Variants in PSMA6 observed in about 807,000 individuals in gnomAD.
PSMA6 encodes proteasome subunit alpha type-6.
For missense variants in PSMA6, 170 were observed against 294.8 expected (o/e 0.58, Z 3.10); for synonymous variants, 88 against 97.7 (o/e 0.90, Z 0.59).
At chr14:35,311,030 T>C (rs1258408293) in intron 4 of PSMA6, 135 bp downstream of exon 4, 1 of 848,294 alleles carries the variant, frequency 1.2e-6, no homozygotes, top group Non-Finnish European at 1.8e-6. Context: ...AAAATCTTTA[T>C]AATAAATCAG....
upstream of PSMA6, chr14:35,292,347 G>A: frequency 6.6e-7 from 1 of 1,516,786 alleles, no homozygotes; most frequent in Non-Finnish European, 8.8e-7. Flanking sequence ...CGTGAGTTCG[G>A]CATGCAAGAG....
chr14:35,287,465 C>T (rs563815990), upstream of PSMA6, among the ~76,000 whole-genome samples: 6 of 152,252 alleles, frequency 3.9e-5, no homozygotes, highest in Admixed American at 2.6e-4. Flanking sequence ...GGCAGAGCAC[C>T]TTAAGCTAAG....
chr14:35,315,395 T>G (rs1406546665), intron 6 of PSMA6: 1 of 143,554 alleles, frequency 7.0e-6, no homozygotes, highest in African/African-American at 2.6e-5. Flanking sequence ...TCATAGGACT[T>G]TAAAAAAAAA....
At chr14:35,281,149 G>T (rs1314833924) in intron 1 of PSMA6, among the ~76,000 whole-genome samples, 1 of 152,062 alleles carries the variant, frequency 6.6e-6, no homozygotes, top group Non-Finnish European at 1.5e-5. Context: ...TCATGGGAGG[G>T]ATGGCTTCAA....
intron 1 of PSMA6, among the ~76,000 whole-genome samples, chr14:35,297,813 A>AT (rs1460849874): frequency 6.6e-6 from 1 of 152,164 alleles, no homozygotes; most frequent in African/African-American, 2.4e-5. Context: ...TGTCCTGAAC[A>AT]TTTTGCCACC....
chr14:35,284,421 T>C (rs80352430), intron 1 of PSMA6, among the ~76,000 whole-genome samples: 6,545 of 152,240 alleles, frequency 0.043, 190 homozygotes, highest in Non-Finnish European at 0.069. Flanking sequence ...CATTTTCTCA[T>C]CTGTGCTGCT....
At position 35,310,781 on chromosome 14, in the gene PSMA6, G is replaced by C; in HGVS notation, c.295G>C (p.Ala99Pro). The change falls in exon 4 of 7, where the codon GCT (alanine) becomes CCT (proline). Residue 99 changes from alanine to proline, a missense_variant. Ala to Pro is a conservative substitution (Grantham distance 27). Coordinates refer to ENST00000261479, the MANE Select transcript of PSMA6 (RefSeq NM_002791.3). ...SQVQRARYEA[A>P]NWKYKYGYEI... ...GGTACAGAGGGCACGCTATGAGGCA[G>C]CTAACTGGAAATACAAGTATGGCTA... 6.2e-7 allele frequency: 1 copy of C among 1,612,614 alleles called. No individual in the cohort carries two copies.
At chr14:35,315,858 T>C (rs2138762556) in intron 6 of PSMA6, 1 of 152,278 alleles carries the variant, frequency 6.6e-6, no homozygotes, top group South Asian at 2.1e-4. Context: ...ATCAAAAATC[T>C]TGTCTTCAAA....
upstream of PSMA6, among the ~76,000 whole-genome samples, chr14:35,291,413 G>T (rs1459601147): frequency 6.6e-6 from 1 of 151,964 alleles, no homozygotes; most frequent in Non-Finnish European, 1.5e-5. Context: ...GTAGAGACGG[G>T]GTTTCACCGT....
At chr14:35,295,030 G>A (rs918486528) in intron 1 of PSMA6, among the ~76,000 whole-genome samples, 1 of 152,104 alleles carries the variant, frequency 6.6e-6, no homozygotes, top group Non-Finnish European at 1.5e-5. Context: ...AAAAAATAGA[G>A]GTAGACATTT....
Position 35,310,759 on chromosome 14 carries a change from A to G in PSMA6, c.273A>G (p.Val91=). 1 of 1,612,292 alleles carries G rather than the reference A, an allele frequency of 6.2e-7. No individual in the cohort carries two copies. The highest frequency in any genetic ancestry group is 8.5e-7 in the Non-Finnish European group (1 of 1,179,822). The change falls in exon 4 of 7, where the codon GTA becomes GTG. Residue 91 remains valine (V), a synonymous_variant. Transcript: ENST00000261479. ...TGMTADSRSQ[V]QRARYEAANW... The stretch of plus-strand genomic sequence containing the variant: ...TATAAGCTGACAGCAGATCCCAGGT[A>G]CAGAGGGCACGCTATGAGGCAGCTA...
chr14:35,314,633 A>C (rs1449501357), intron 6 of PSMA6, 178 bp downstream of exon 6: 1 of 700,496 alleles, frequency 1.4e-6, no homozygotes, highest in Non-Finnish European at 2.0e-6. Flanking sequence ...TCTATTTAAG[A>C]GTCAGATATG....
chr14:35,308,025 C>T lies in PSMA6; in HGVS notation c.108C>T (p.Gly36=), dbSNP rs779940049. The change falls in exon 2 of 7, where the codon GGC becomes GGT. Residue 36 remains glycine (G), a synonymous_variant. Transcript: ENST00000261479. ...CTTTTAAGGCTATTAACCAGGGTGG[C>T]CTTACATCAGTAGCTGTCAGAGGGA... The part of the protein sequence containing the change: ...EYAFKAINQG[G]LTSVAVRGKD... 1.2e-6 allele frequency: 2 copies of T among 1,613,986 alleles called. No individual in the cohort carries two copies. The highest frequency in any genetic ancestry group is 4.5e-5 in the East Asian group (2 of 44,874).
chr14:35,296,782 C>T (rs899261178), intron 1 of PSMA6, among the ~76,000 whole-genome samples: 1 of 152,150 alleles, frequency 6.6e-6, no homozygotes, highest in Non-Finnish European at 1.5e-5. Context: ...TATTTCTCAA[C>T]CCAGGCTTCT....
chr14:35,314,187 A>T (rs2051995729), intron 5 of PSMA6, 174 bp from the exon 6 acceptor site: 1 of 608,036 alleles, frequency 1.6e-6, no homozygotes, highest in Non-Finnish European at 2.3e-6. Flanking sequence ...GTAGAAAAAA[A>T]TTTCTCATCA....
intron 2 of PSMA6, 43 bp from the exon 3 acceptor site, chr14:35,308,871 G>A (rs749871403): frequency 2.8e-6 from 4 of 1,415,004 alleles, no homozygotes; most frequent in Non-Finnish European, 4.0e-6. Flanking sequence ...ACAGAAACCT[G>A]TATGTTTTTT....
At chr14:35,315,439 TCTCAGCTC>T (rs1375782536) in intron 6 of PSMA6, 2 of 151,572 alleles carry the variant, frequency 1.3e-5, no homozygotes, top group East Asian at 3.9e-4. Context: ...GCATCTGTAG[TCTCAGCTC>T]CTCAGGAGGC....
At position 35,298,631 on chromosome 14, in the gene PSMA6, G is replaced by GT. The variant is rs1200782951; in HGVS notation, c.76+6080dup. On this transcript the variant is annotated intron_variant, in intron 1 of 6. Coordinates refer to ENST00000261479, the MANE Select transcript of PSMA6 (RefSeq NM_002791.3). ...CCAAACCAAAGTCTTTGATCATGTA[G>GT]TGTTTAAGTACTGTTGCCAACGTTT... Among the ~76,000 whole-genome samples, 65 of 152,238 alleles carry GT rather than the reference G, an allele frequency of 4.3e-4. 1 individual carries two copies. The highest frequency in any genetic ancestry group is 3.3e-3 in the Admixed American group (50 of 15,282).
intron 6 of PSMA6, chr14:35,316,600 G>T (rs2052050446): frequency 6.6e-6 from 1 of 152,110 alleles, no homozygotes; most frequent in Non-Finnish European, 1.5e-5. Flanking sequence ...GGGCAAGGTG[G>T]CTCACGCCTG....
Sources: allele counts gnomAD v4.1 joint callset (sites outside exome capture counted in the v4.1 genomes callset), GRCh38; gene constraint gnomAD v4.1.1; transcripts MANE v1.5; gene names NCBI Gene and HGNC (gene_info 2026-07-23, HGNC 2026-07-21).